CT55: variants seen among roughly 807,000 people sequenced by gnomAD.
The protein encoded by CT55 is BRCA2-interacting protein.
Under a neutral mutation model 12.6 loss-of-function variants are expected in CT55, and 1 was observed. The observed-to-expected ratio is 0.08, with a 90% CI of 0.03 to 0.38. CT55 has a LOEUF of 0.38. CT55 is among the 10% of genes least tolerant of loss of function. The pLI is 0.99. For missense variants in CT55, 109 were observed against 135.4 expected, an observed-to-expected ratio of 0.80 and a Z score of 0.97; for synonymous variants, 43 against 49.7, an observed-to-expected ratio of 0.87 and a Z score of 0.57.
At chrX:135,158,136 T>A (rs782090718) in intron 4 of CT55, 63 bp downstream of exon 4, 53 of 681,672 alleles carry the variant, frequency 7.8e-5, no homozygotes, top group South Asian at 2.6e-4. Flanking sequence ...CCTGGTCACG[T>A]AAATTATCAC....
chrX:135,168,205 C>T (rs782657078), intron 2 of CT55, among the ~76,000 whole-genome samples: 3 of 111,755 alleles, frequency 2.7e-5, no homozygotes, highest in Non-Finnish European at 3.8e-5. Context: ...TGTCCATCTA[C>T]GGATGAGTGT....
At chrX:135,165,267 TA>T (rs1556405790) in intron 2 of CT55, among the ~76,000 whole-genome samples, 2 of 112,127 alleles carry the variant, frequency 1.8e-5, no homozygotes, top group East Asian at 5.6e-4. Context: ...TAGAAATCAA[TA>T]AAAGTAGGAA....
chrX:135,166,966 A>C, intron 2 of CT55, among the ~76,000 whole-genome samples: 1 of 112,555 alleles, frequency 8.9e-6, no homozygotes, highest in Non-Finnish European at 1.9e-5. Context: ...GAATGAATGG[A>C]AATATATCAT....
At chrX:135,162,955 A>T (rs782653759) in intron 2 of CT55, among the ~76,000 whole-genome samples, 13 of 111,722 alleles carry the variant, frequency 1.2e-4, no homozygotes, top group Non-Finnish European at 2.1e-4. Flanking sequence ...GGGGAATCCC[A>T]GCCATCCTAG....
intron 2 of CT55, among the ~76,000 whole-genome samples, chrX:135,167,347 G>C (rs1696087733): frequency 2.7e-5 from 3 of 112,109 alleles, no homozygotes; most frequent in African/African-American, 9.7e-5. Context: ...ACAATGTTGA[G>C]AAAGTACAGT....
rs1392017887 is a variant in CT55, at chrX:135,158,260, G to T, written c.476C>A (p.Pro159Gln). 1 of 1,207,250 alleles carries T rather than the reference G, an allele frequency of 8.3e-7. No homozygotes were observed. Among genetic ancestry groups the T allele is most frequent in the African/African-American group, 1.8e-5 (1 of 57,095 alleles). ...DLLEVEYSTEPGISNIKATSV... is the reference protein window; with the variant it reads ...DLLEVEYSTEQGISNIKATSV... ...AGTTGCCTTGATGTTTGAGATGCCT[G>T]GCTCAGTGGAATATTCAACTTCTAA... The change falls in exon 4 of 6, where the codon CCA (proline) becomes CAA (glutamine). Residue 159 changes from proline to glutamine, a missense_variant. Coordinates refer to ENST00000276241, the MANE Select transcript of CT55 (RefSeq NM_001031705.3).
intron 2 of CT55, among the ~76,000 whole-genome samples, chrX:135,162,000 A>AT (rs2148443271): frequency 8.9e-6 from 1 of 112,847 alleles, no homozygotes; most frequent in Non-Finnish European, 1.9e-5. Context: ...CCCATGTCTC[A>AT]TGGCTCCCAG....
chrX:135,166,337 A>G (rs145354696), intron 2 of CT55, among the ~76,000 whole-genome samples: 282 of 111,904 alleles, frequency 2.5e-3, no homozygotes, highest in Non-Finnish European at 4.0e-3. Flanking sequence ...TATCACGTGA[A>G]AAGAATGAAG....
At chrX:135,163,730 T>C (rs1301897848) in intron 2 of CT55, among the ~76,000 whole-genome samples, 1 of 110,411 alleles carries the variant, frequency 9.1e-6, no homozygotes, top group Non-Finnish European at 1.9e-5. Flanking sequence ...TCAGATACAA[T>C]CCAAATAAGA....
intron 3 of CT55, 110 bp downstream of exon 3, chrX:135,160,301 C>G: frequency 1.3e-6 from 1 of 783,979 alleles, no homozygotes; most frequent in Non-Finnish European, 1.8e-6. Context: ...CTACCTCTAA[C>G]ACTGAAGAGC....
chrX:135,166,718 C>A (rs2083586890), intron 2 of CT55, among the ~76,000 whole-genome samples: 1 of 111,548 alleles, frequency 9.0e-6, no homozygotes, highest in Admixed American at 9.5e-5. Context: ...AAGACACCAC[C>A]AAACAGCTAC....
intron 2 of CT55, among the ~76,000 whole-genome samples, 193 bp downstream of exon 2, chrX:135,169,401 T>G (rs2083600845): frequency 8.9e-6 from 1 of 112,414 alleles, no homozygotes; most frequent in Non-Finnish European, 1.9e-5. Context: ...TAAGCTTTTA[T>G]GTTTTACAGC....
At chrX:135,170,944 C>T (rs2083608211) in intron 1 of CT55, 134 bp downstream of exon 1, 4 of 1,055,826 alleles carry the variant, frequency 3.8e-6, no homozygotes, top group Admixed American at 3.5e-5. Context: ...GGTTGCCTCC[C>T]CATGCACGCA....
chrX:135,169,432 C>T (rs1428783967), intron 2 of CT55, among the ~76,000 whole-genome samples, 162 bp downstream of exon 2: 1 of 111,945 alleles, frequency 8.9e-6, no homozygotes, highest in African/African-American at 3.2e-5. Context: ...ACAAATATTA[C>T]AACAGAAGAA....
At chrX:135,166,964 G>A (rs7060453) in intron 2 of CT55, among the ~76,000 whole-genome samples, 6,291 of 111,921 alleles carry the variant, frequency 0.056, 180 homozygotes, top group Non-Finnish European at 0.087. Flanking sequence ...AGGAATGAAT[G>A]GAAATATATC....
chrX:135,165,180 T>C (rs1265721820), intron 2 of CT55, among the ~76,000 whole-genome samples: 21 of 112,020 alleles, frequency 1.9e-4, no homozygotes, highest in Admixed American at 3.8e-4. Context: ...ATGGGGCAGG[T>C]CATAAAACAG....
intron 2 of CT55, among the ~76,000 whole-genome samples, chrX:135,162,083 T>C (rs142621414): frequency 8.9e-6 from 1 of 112,765 alleles, no homozygotes; most frequent in African/African-American, 3.2e-5. Flanking sequence ...TTTACGATAA[T>C]GTGTTGTATG....
At chrX:135,171,432 T>G, upstream of CT55, 2 of 388,190 alleles carry the variant, frequency 5.2e-6, no homozygotes, top group Non-Finnish European at 4.1e-6. Flanking sequence ...CCTCTACCAC[T>G]GTCCAACCAA....
chrX:135,169,878 A>C (rs372846221), intron 1 of CT55, 100 bp from the exon 2 acceptor site: 3 of 491,928 alleles, frequency 6.1e-6, no homozygotes, highest in South Asian at 8.9e-5. Flanking sequence ...TGGGCAGAGA[A>C]GTTTTATAAC....
Sources: allele counts gnomAD v4.1 joint callset (sites outside exome capture counted in the v4.1 genomes callset), GRCh38; gene constraint gnomAD v4.1.1; transcripts MANE v1.5; gene names NCBI Gene and HGNC (gene_info 2026-07-23, HGNC 2026-07-21).